The following UBE2QL1 variants were observed in gnomAD, a reference collection of about 807,000 sequenced individuals.
UBE2QL1 encodes the protein ubiquitin conjugating enzyme E2 QL1.
A neutral mutation model predicts 12.6 loss-of-function variants in UBE2QL1; 5 were observed. The observed-to-expected ratio is 0.40, with a 90% CI of 0.21 to 0.83. The LOEUF (loss-of-function observed/expected upper bound fraction) is 0.83. UBE2QL1 is among the 40% of genes least tolerant of loss of function. The pLI is 0.37. For synonymous variants in UBE2QL1, 96 were observed against 94.5 expected (o/e 1.02, Z -0.10); for missense variants, 99 against 222.6 (o/e 0.44, Z 3.53).
Position 6,465,617 on chromosome 5 carries a change from G to A in UBE2QL1, c.354+16370G>A, listed in dbSNP as rs1005007363. On this transcript the variant is annotated intron_variant, in intron 1 of 1. Coordinates refer to ENST00000399816, the MANE Select transcript of UBE2QL1 (RefSeq NM_001145161.3). ...GCACCTCGTTTCAACAGGGACTCTT[G>A]GGGGGGCTCTGGGATGCTTCGGGTG... 3.9e-5 allele frequency among the ~76,000 whole-genome samples: 6 copies of A among 152,160 alleles called. No individual in the cohort carries two copies. In the South Asian group the frequency reaches 8.3e-4, roughly 21 times the overall value.
intron 1 of UBE2QL1, among the ~76,000 whole-genome samples, chr5:6,458,032 A>G (rs141277298): frequency 1.9e-3 from 287 of 152,368 alleles, no homozygotes; most frequent in African/African-American, 6.4e-3. Flanking sequence ...AATTGCTTCA[A>G]ACCGTAGGAG....
intron 1 of UBE2QL1, among the ~76,000 whole-genome samples, chr5:6,486,408 C>T (rs1734468953): frequency 6.6e-6 from 1 of 152,102 alleles, no homozygotes; most frequent in Admixed American, 6.6e-5. Context: ...AGCCATTTCA[C>T]ACCTTCAATT....
rs73036246 is a variant in UBE2QL1 at position 6,463,601 on chromosome 5, A to G, written c.354+14354A>G. 1.5e-3 allele frequency among the ~76,000 whole-genome samples: 147 copies of G among 95,664 alleles called. 1 individual carries two copies. The highest frequency in any genetic ancestry group is 5.8e-3 in the African/African-American group (115 of 19,748). The allele number at this position is 95,664 out of a possible 152,430, so 62.8% of individuals were successfully genotyped here. On this transcript the variant is annotated intron_variant, in intron 1 of 1. Transcript: ENST00000399816. The stretch of plus-strand genomic sequence containing the variant: ...AGGTAGGCTTTGTATTTGTGCTGTT[A>G]TTATTATTATTATTATTATTATTAT...
chr5:6,489,531 T>G (rs1188126627), intron 1 of UBE2QL1, among the ~76,000 whole-genome samples: 6 of 151,604 alleles, frequency 4.0e-5, no homozygotes, highest in African/African-American at 1.5e-4. Flanking sequence ...GCAGGCAGAG[T>G]TTGGTAACCC....
At chr5:6,467,982 G>C (rs1739832694) in intron 1 of UBE2QL1, among the ~76,000 whole-genome samples, 1 of 151,992 alleles carries the variant, frequency 6.6e-6, no homozygotes, top group African/African-American at 2.4e-5. Context: ...TGCCTTGTCT[G>C]CTGGGCCTCT....
chr5:6,456,678 T>C (rs1739532716), intron 1 of UBE2QL1, among the ~76,000 whole-genome samples: 1 of 152,148 alleles, frequency 6.6e-6, no homozygotes, highest in African/African-American at 2.4e-5. Context: ...CTGCGTAACG[T>C]CTGCGACCCT....
rs181614617 is a variant in UBE2QL1 at position 6,464,823 on chromosome 5, C to T, written c.354+15576C>T. The stretch of plus-strand genomic sequence containing the variant: ...TAATTTCTGCTCCGGGTATTTTAAC[C>T]TCTTGCAGTCAACAGCATTCGTAGC... On this transcript the variant is annotated intron_variant, in intron 1 of 1. Transcript: ENST00000399816. Among the ~76,000 whole-genome samples the T allele has an allele frequency of 1.1e-4, 17 of 152,278 alleles. No homozygotes were observed. The East Asian group carries it at 3.1e-3, about 28-fold the overall frequency.
chr5:6,484,664 C>T (rs1734430547), intron 1 of UBE2QL1, among the ~76,000 whole-genome samples: 2 of 152,090 alleles, frequency 1.3e-5, no homozygotes, highest in African/African-American at 4.8e-5. Flanking sequence ...CAGCAGTCTC[C>T]CGGGTTGCAC....
intron 1 of UBE2QL1, among the ~76,000 whole-genome samples, chr5:6,469,626 A>G (rs1739867505): frequency 6.6e-6 from 1 of 150,462 alleles, no homozygotes; most frequent in Non-Finnish European, 1.5e-5. Context: ...ATGAAAATGT[A>G]TGTTTAAAGT....
rs1050486747 is a variant in UBE2QL1 at position 6,481,298 on chromosome 5, G to A, written c.355-9920G>A. ...CGTCTCTCTCTGCAGGCCTGGCCCC[G>A]GGTCACTTGGCATGGTGGCCCACCA... is the stretch of plus-strand genomic sequence containing the variant. On this transcript the variant is annotated intron_variant, in intron 1 of 1. Coordinates refer to ENST00000399816, the MANE Select transcript of UBE2QL1 (RefSeq NM_001145161.3). The surrounding 1 kb of genome is among the most constrained non-coding windows in gnomAD (Gnocchi z 4.5). 1.3e-5 allele frequency among the ~76,000 whole-genome samples: 2 copies of A among 152,260 alleles called. No homozygotes were observed. Among genetic ancestry groups the A allele is most frequent in the East Asian group, 1.9e-4 (1 of 5,172 alleles).
At chr5:6,454,840 G>A (rs1560927017) in intron 1 of UBE2QL1, among the ~76,000 whole-genome samples, 1 of 152,036 alleles carries the variant, frequency 6.6e-6, no homozygotes, top group African/African-American at 2.4e-5. Context: ...TACAGGGCAC[G>A]GAGATTATTG....
At position 6,458,111 on chromosome 5, in the gene UBE2QL1, TAACTC is replaced by T. The variant is rs549258558; in HGVS notation, c.354+8867_354+8871del. Among the ~76,000 whole-genome samples, 223 of 152,352 alleles carry T rather than the reference TAACTC, an allele frequency of 1.5e-3. 1 individual carries two copies. The highest frequency in any genetic ancestry group is 5.0e-3 in the African/African-American group (207 of 41,576). ...AAAGGCATTTTAGAGATTCTGAAAATAACTCAAGAAAGAAGTGCTTTTTGAACATA... is the reference window on the plus strand; with the variant it reads ...AAAGGCATTTTAGAGATTCTGAAAATAAGAAAGAAGTGCTTTTTGAACATA... On this transcript the variant is annotated intron_variant, in intron 1 of 1. Transcript: ENST00000399816.
At chr5:6,466,914 A>G (rs1373534612) in intron 1 of UBE2QL1, among the ~76,000 whole-genome samples, 1 of 152,162 alleles carries the variant, frequency 6.6e-6, no homozygotes, top group Non-Finnish European at 1.5e-5. Context: ...AGGACGTTTG[A>G]GAGAGGTTTG....
At chr5:6,452,041 C>T (rs757608396) in intron 1 of UBE2QL1, among the ~76,000 whole-genome samples, 5 of 152,124 alleles carry the variant, frequency 3.3e-5, no homozygotes, top group Non-Finnish European at 7.4e-5. Flanking sequence ...TTTTCATAAG[C>T]TGCAGAGTTA....
chr5:6,469,051 C>T (rs926045708), intron 1 of UBE2QL1, among the ~76,000 whole-genome samples: 5 of 152,224 alleles, frequency 3.3e-5, no homozygotes, highest in Non-Finnish European at 7.3e-5. Context: ...CATCTCTTCA[C>T]GTTCTTCTTG....
chr5:6,460,000 C>T (rs1202014940), intron 1 of UBE2QL1, among the ~76,000 whole-genome samples: 1 of 151,832 alleles, frequency 6.6e-6, no homozygotes, highest in Non-Finnish European at 1.5e-5. Flanking sequence ...GGCTGTCTTG[C>T]GAAAGATCCT....
At chr5:6,453,706 T>C (rs1212907885) in intron 1 of UBE2QL1, among the ~76,000 whole-genome samples, 2 of 68,284 alleles carry the variant, frequency 2.9e-5, no homozygotes, top group Admixed American at 1.6e-4. Context: ...TGCACACACA[T>C]GTGCACACAC....
chr5:6,477,210 C>T (rs1734251259), intron 1 of UBE2QL1, among the ~76,000 whole-genome samples: 1 of 152,258 alleles, frequency 6.6e-6, no homozygotes, highest in Admixed American at 6.5e-5. Flanking sequence ...CTGGGCCTCA[C>T]AAACTGACCT....
intron 1 of UBE2QL1, among the ~76,000 whole-genome samples, chr5:6,465,647 T>C (rs959003453): frequency 1.3e-5 from 2 of 152,028 alleles, no homozygotes; most frequent in Non-Finnish European, 2.9e-5. Flanking sequence ...CGGGTGCCCC[T>C]CTCCGCCCCC....
Sources: gnomAD v4.1 joint callset for allele counts (sites outside exome capture counted in the v4.1 genomes callset) on GRCh38, gnomAD v4.1.1 for gene constraint, Gnocchi (gnomAD v3.1) non-coding constraint, MANE v1.5 for transcripts, NCBI Gene and HGNC (gene_info 2026-07-23, HGNC 2026-07-21) for gene names.